Variants in DLGAP1 observed in about 807,000 individuals in gnomAD.
DLGAP1 encodes disks large-associated protein 1.
DLGAP1 carries 11 observed loss-of-function variants against 90.8 expected under a neutral mutation model. That is an observed-to-expected ratio of 0.12 (90% CI 0.08 to 0.20). The LOEUF (loss-of-function observed/expected upper bound fraction) is 0.20. Among genes scored for constraint, DLGAP1 ranks in the 10% least tolerant of loss-of-function variants. The pLI, the probability that DLGAP1 is intolerant of heterozygous loss-of-function variation, is 1.00. For synonymous variants in DLGAP1, 558 were observed against 540.7 expected (o/e 1.03, Z -0.44); for missense variants, 1,050 against 1,333.8 (o/e 0.79, Z 3.31).
At chr18:4,247,351 G>A (rs1003602852) in intron 1 of DLGAP1, among the ~76,000 whole-genome samples, 12 of 152,172 alleles carry the variant, frequency 7.9e-5, no homozygotes, top group Admixed American at 2.0e-4. Flanking sequence ...ACTTGGCTGA[G>A]TTCACCTGGC....
At chr18:4,090,222 G>A (rs2075754183) in intron 2 of DLGAP1, among the ~76,000 whole-genome samples, 1 of 152,104 alleles carries the variant, frequency 6.6e-6, no homozygotes, top group Non-Finnish European at 1.5e-5. Flanking sequence ...AAAAGCAATT[G>A]CAACAAAAGC....
intron 4 of DLGAP1, among the ~76,000 whole-genome samples, chr18:3,827,813 G>C (rs996010656): frequency 5.9e-5 from 9 of 152,130 alleles, no homozygotes; most frequent in Non-Finnish European, 1.5e-5. Context: ...CCATTAAATT[G>C]ATTTCACTAC....
intron 1 of DLGAP1, among the ~76,000 whole-genome samples, chr18:4,284,309 C>A (rs1598810547): frequency 6.6e-6 from 1 of 151,272 alleles, no homozygotes; most frequent in East Asian, 2.0e-4. Context: ...CCAGAAAGTA[C>A]AAGCCGAACA....
intron 1 of DLGAP1, among the ~76,000 whole-genome samples, chr18:4,247,811 AGGT>A: frequency 1.3e-5 from 2 of 152,224 alleles, no homozygotes; most frequent in East Asian, 3.9e-4. Flanking sequence ...TTTCACAGCA[AGGT>A]TTGGGATGTA....
chr18:3,913,575 C>A (rs1599151829), intron 3 of DLGAP1, among the ~76,000 whole-genome samples: 1 of 152,104 alleles, frequency 6.6e-6, no homozygotes, highest in Non-Finnish European at 1.5e-5. Flanking sequence ...TCAGAGAGAA[C>A]AATTACTTTT....
intron 7 of DLGAP1, among the ~76,000 whole-genome samples, chr18:3,641,562 T>C (rs1170312518): frequency 8.9e-6 from 1 of 112,736 alleles, no homozygotes. Flanking sequence ...AAAAAGAACA[T>C]AAGACAATGT....
chr18:4,154,554 G>A (rs991105165), intron 1 of DLGAP1, among the ~76,000 whole-genome samples: 2 of 151,948 alleles, frequency 1.3e-5, no homozygotes, highest in Non-Finnish European at 2.9e-5. Context: ...GGAGAAGGAA[G>A]AATACACACT....
chr18:4,228,086 A>C (rs563925179), intron 1 of DLGAP1, among the ~76,000 whole-genome samples: 35 of 151,728 alleles, frequency 2.3e-4, no homozygotes, highest in African/African-American at 8.4e-4. Flanking sequence ...TCAGGCAATA[A>C]ATTAGAAAAA....
At chr18:4,081,677 G>T (rs558914053) in intron 2 of DLGAP1, among the ~76,000 whole-genome samples, 1 of 152,198 alleles carries the variant, frequency 6.6e-6, no homozygotes, top group Non-Finnish European at 1.5e-5. Flanking sequence ...ATTGGAGGAA[G>T]AAAGACTGAA....
intron 3 of DLGAP1, among the ~76,000 whole-genome samples, chr18:3,991,058 C>T (rs988541880): frequency 2.6e-5 from 4 of 151,860 alleles, no homozygotes; most frequent in African/African-American, 9.7e-5. Flanking sequence ...TTGTGTGTCA[C>T]AGGGGTTTGG....
chr18:3,701,859 G>A (rs771576519), intron 7 of DLGAP1, among the ~76,000 whole-genome samples: 1 of 152,162 alleles, frequency 6.6e-6, no homozygotes, highest in South Asian at 2.1e-4. Flanking sequence ...GACCTCAAGA[G>A]TCAAGAGTGA....
At chr18:3,741,020 C>CCAT (rs2062909808) in intron 6 of DLGAP1, among the ~76,000 whole-genome samples, 1 of 74,984 alleles carries the variant, frequency 1.3e-5, no homozygotes. Context: ...ACCACCATCA[C>CCAT]CACCACCACC....
chr18:4,292,196 C>A (rs2079865588), intron 1 of DLGAP1, among the ~76,000 whole-genome samples: 1 of 152,100 alleles, frequency 6.6e-6, no homozygotes, highest in African/African-American at 2.4e-5. Flanking sequence ...AATTAGGCAG[C>A]ATTAGCAACC....
At chr18:4,046,190 GT>G (rs759918690) in intron 2 of DLGAP1, among the ~76,000 whole-genome samples, 2 of 152,158 alleles carry the variant, frequency 1.3e-5, no homozygotes, top group Non-Finnish European at 2.9e-5. Context: ...AAATCGTGCA[GT>G]TTTTTGGCCA....
At chr18:3,508,743 T>C (rs2050377700) in intron 10 of DLGAP1, 82 bp from the exon 11 acceptor site, 5 of 1,167,612 alleles carry the variant, frequency 4.3e-6, no homozygotes, top group East Asian at 2.4e-5. Flanking sequence ...GAGGAAGTTA[T>C]GCTGTAATAA....
chr18:4,399,586 C>T lies in DLGAP1; in HGVS notation c.-267+55420G>A, dbSNP rs570909423. The stretch of plus-strand genomic sequence containing the variant: ...TTACAACGTCTTAGGATACCTTTTT[C>T]TCCATCTTTCCTCAGAAATCCTTTG... On this transcript the variant is annotated intron_variant, in intron 1 of 12. Transcript: ENST00000315677. Among the ~76,000 whole-genome samples, 88 of 152,268 alleles carry T rather than the reference C, an allele frequency of 5.8e-4. 1 individual carries two copies. In the South Asian group the frequency reaches 0.014, roughly 24 times the overall value.
At chr18:3,806,378 G>A (rs183978267) in intron 5 of DLGAP1, among the ~76,000 whole-genome samples, 1 of 152,236 alleles carries the variant, frequency 6.6e-6, no homozygotes, top group Admixed American at 6.5e-5. Context: ...GCCTGCTTTT[G>A]CCATTCTTAG....
intron 1 of DLGAP1, among the ~76,000 whole-genome samples, chr18:4,253,619 A>C (rs2078827151): frequency 6.6e-6 from 1 of 152,094 alleles, no homozygotes. Context: ...CATGTTGCCC[A>C]GGCTGTTCTT....
intron 1 of DLGAP1, among the ~76,000 whole-genome samples, chr18:4,406,657 CT>C (rs1038619652): frequency 2.0e-5 from 3 of 152,140 alleles, no homozygotes; most frequent in Non-Finnish European, 4.4e-5. Flanking sequence ...GCCACTAATT[CT>C]CTCTATACAC....
Sources: gnomAD v4.1 joint callset for allele counts (sites outside exome capture counted in the v4.1 genomes callset) on GRCh38, gnomAD v4.1.1 for gene constraint, MANE v1.5 for transcripts, NCBI Gene and HGNC (gene_info 2026-07-23, HGNC 2026-07-21) for gene names.